Variants in OR9A4 observed in about 807,000 individuals in gnomAD.
OR9A4 encodes olfactory receptor family 9 subfamily A member 4, also known as olfactory receptor 9A4.
OR9A4 carries 16 observed loss-of-function variants against 17.1 expected under a neutral mutation model. The observed-to-expected ratio is 0.94, with a 90% CI of 0.64 to 1.43. The LOEUF is 1.43. OR9A4 is among the 40% of genes most tolerant of loss of function. The pLI, the probability that OR9A4 is intolerant of heterozygous loss-of-function variation, is 0.00. For missense variants in OR9A4, 392 were observed against 382.1 expected, an observed-to-expected ratio of 1.03 and a Z score of -0.22; for synonymous variants, 167 against 143.3, an observed-to-expected ratio of 1.17 and a Z score of -1.18.
At position 141,919,986 on chromosome 7, in the gene OR9A4, G is replaced by T; in HGVS notation, c.*166G>T. 1 of 555,938 alleles carries T rather than the reference G, an allele frequency of 1.8e-6. No homozygotes were observed. The highest frequency in any genetic ancestry group is 3.1e-6 in the Non-Finnish European group (1 of 324,086). The allele number at this position is 555,938 out of a possible 1,614,324, so 34.4% of individuals were successfully genotyped here. A position where few individuals can be genotyped will look rare whatever the true frequency, so the allele number is the denominator to read the frequency against. ...ACAGCTACGGTTTTTAGTATGCTTA[G>T]TTGTTACTTGAAACTCAGTCTATTA... On this transcript the variant is annotated 3_prime_UTR_variant, in exon 2 of 2. Coordinates refer to ENST00000641559, the MANE Select transcript of OR9A4 (RefSeq NM_001001656.3).
intron 1 of OR9A4, among the ~76,000 whole-genome samples, chr7:141,917,981 T>A (rs1802213067): frequency 6.6e-6 from 1 of 152,196 alleles, no homozygotes; most frequent in African/African-American, 2.4e-5. Context: ...GACAATGTCC[T>A]GGATAGACCT....
Position 141,919,611 on chromosome 7 carries a change from A to G in OR9A4, c.736A>G (p.Thr246Ala). ...CTTCTCCACTTGTGCCTCCCACTTC[A>G]CCTGTGTTGTGATTGGCTACGGCAG... ...KSFSTCASHF[T>A]CVVIGYGSCL... The change falls in exon 2 of 2, where the codon ACC (threonine) becomes GCC (alanine). Residue 246 changes from threonine (T) to alanine (A), a missense_variant. Physicochemically the swap from Thr to Ala is moderately conservative, Grantham distance 58 (BLOSUM62 0). Transcript: ENST00000641559. The G allele has an allele frequency of 6.2e-7, 1 of 1,613,802 alleles. No homozygotes were observed. Among genetic ancestry groups the G allele is most frequent in the Non-Finnish European group, 8.5e-7 (1 of 1,179,960 alleles).
rs782401575 is a variant in OR9A4, at chr7:141,919,141, T to C, written c.266T>C (p.Met89Thr). The stretch of plus-strand genomic sequence containing the variant: ...CTTTGGGGATTGCTGCTCCCTGGGA[T>C]GCAGACAATATATTTGTCTGCCTGT... ...VMLWGLLLPG[M>T]QTIYLSACVV... is the part of the protein sequence containing the mutation. The change falls in exon 2 of 2, where the codon ATG (methionine) becomes ACG (threonine). Residue 89 changes from methionine to threonine, a missense_variant. Physicochemically the swap from Met to Thr is moderately conservative, Grantham distance 81 (BLOSUM62 -1). Transcript: ENST00000641559. The C allele has an allele frequency of 4.3e-6, 7 of 1,614,218 alleles. No individual in the cohort carries two copies. Among genetic ancestry groups the C allele is most frequent in the Admixed American group, 1.7e-5 (1 of 60,030 alleles).
chr7:141,918,387 G>T (rs1469771623), intron 1 of OR9A4, among the ~76,000 whole-genome samples: 2 of 152,208 alleles, frequency 1.3e-5, no homozygotes, highest in African/African-American at 4.8e-5. Flanking sequence ...TTACAAGCGT[G>T]AGCCACCGCA....
At position 141,919,221 on chromosome 7, in the gene OR9A4, G is replaced by A. The variant is rs782358306; in HGVS notation, c.346G>A (p.Gly116Arg). Residue 116 changes from glycine to arginine, a missense_variant, in exon 2 of 2, where the codon GGA (glycine) becomes AGA (arginine). By Grantham distance (125) the Gly-to-Arg change is moderately radical. Coordinates refer to ENST00000641559, the MANE Select transcript of OR9A4 (RefSeq NM_001001656.3). ...GGGGACAACAGAGTTCGCATTACTT[G>A]GAGCAATGGCTGTGGACCGTTATGT... Reference protein sequence around the residue: ...AVGTTEFALLGAMAVDRYVAV... With the variant: ...AVGTTEFALLRAMAVDRYVAV... 6.2e-7 allele frequency: 1 copy of A among 1,614,064 alleles called. No individual in the cohort carries two copies. Among genetic ancestry groups the A allele is most frequent in the South Asian group, 1.1e-5 (1 of 91,072 alleles).
chr7:141,920,003 A>G lies in OR9A4; in HGVS notation c.*183A>G, dbSNP rs1802255319. ...TATGCTTAGTTGTTACTTGAAACTC[A>G]GTCTATTATTTTTAAGACATGTCTT... On this transcript the variant is annotated 3_prime_UTR_variant, in exon 2 of 2. Transcript: ENST00000641559. The G allele has an allele frequency of 3.9e-6, 2 of 518,914 alleles. No individual in the cohort carries two copies. Among genetic ancestry groups the G allele is most frequent in the South Asian group, 7.3e-5 (2 of 27,554 alleles). The allele number at this position is 518,914 out of a possible 1,614,324, so 32.1% of individuals were successfully genotyped here.
Position 141,919,048 on chromosome 7 carries a change from T to A in OR9A4, c.173T>A (p.Met58Lys), listed in dbSNP as rs1802231248. 3.1e-6 allele frequency: 5 copies of A among 1,614,076 alleles called. No individual in the cohort carries two copies. Among genetic ancestry groups the A allele is most frequent in the Non-Finnish European group, 3.4e-6 (4 of 1,180,046 alleles). The change falls in exon 2 of 2, where the codon ATG becomes AAG. Residue 58 changes from methionine (M) to lysine (K), a missense_variant. Coordinates refer to ENST00000641559, the MANE Select transcript of OR9A4 (RefSeq NM_001001656.3). The part of the protein sequence containing the change: ...VCVDKRLQSP[M>K]YFFLGHLSAL... The stretch of plus-strand genomic sequence containing the variant: ...GTGGATAAACGTCTGCAGTCCCCCA[T>A]GTATTTCTTCCTCGGCCACCTCTCT...
At position 141,919,750 on chromosome 7, in the gene OR9A4, T is replaced by G; in HGVS notation, c.875T>G (p.Leu292Arg). The G allele has an allele frequency of 1.2e-6, 2 of 1,614,124 alleles. No individual in the cohort carries two copies. Among genetic ancestry groups the G allele is most frequent in the Non-Finnish European group, 1.7e-6 (2 of 1,180,018 alleles). The change falls in exon 2 of 2, where the codon CTC (leucine) becomes CGC (arginine). Residue 292 changes from leucine to arginine, a missense_variant. Leu to Arg is a moderately radical substitution (Grantham distance 102). Transcript: ENST00000641559. Reference protein sequence around the residue: ...TPFLNPFIFTLRNDKVIEALR... With the variant: ...TPFLNPFIFTRRNDKVIEALR... ...TTCCTCAATCCTTTCATCTTCACCC[T>G]CCGGAATGATAAAGTCATAGAGGCC... is the stretch of plus-strand genomic sequence containing the variant.
rs373872637 is a variant in OR9A4 at position 141,919,568 on chromosome 7, C to G, written c.693C>G (p.Ser231=). The G allele has an allele frequency of 3.1e-6, 5 of 1,614,066 alleles. No homozygotes were observed. The African/African-American group carries it at 6.7e-5, about 22-fold the overall frequency. Residue 231 remains serine, a synonymous_variant, in exon 2 of 2, where the codon TCC becomes TCG. Coordinates refer to ENST00000641559, the MANE Select transcript of OR9A4 (RefSeq NM_001001656.3). ...IISTILKIPS[S]SGRRKSFSTC... Reference sequence around the variant, plus strand: ...CCACCATTCTCAAGATCCCGTCATCCTCTGGCCGGAGGAAATCCTTCTCCA... The same window carrying G: ...CCACCATTCTCAAGATCCCGTCATCGTCTGGCCGGAGGAAATCCTTCTCCA...
At position 141,919,248 on chromosome 7, in the gene OR9A4, G is replaced by T. The variant is rs1802237988; in HGVS notation, c.373G>T (p.Ala125Ser). 1 of 1,614,086 alleles carries T rather than the reference G, an allele frequency of 6.2e-7. No homozygotes were observed. The highest frequency in any genetic ancestry group is 1.3e-5 in the African/African-American group (1 of 75,006). Reference sequence around the variant, plus strand: ...AGCAATGGCTGTGGACCGTTATGTGGCTGTCTGTAACCCTCTGAGGTACAA... The same window carrying T: ...AGCAATGGCTGTGGACCGTTATGTGTCTGTCTGTAACCCTCTGAGGTACAA... ...LGAMAVDRYV[A>S]VCNPLRYNII... Residue 125 changes from alanine (A) to serine (S), a missense_variant, in exon 2 of 2, where the codon GCT becomes TCT. Coordinates refer to ENST00000641559, the MANE Select transcript of OR9A4 (RefSeq NM_001001656.3).
In OR9A4 at chr7:141,919,900, A is replaced by G; in HGVS notation, c.*80A>G. On this transcript the variant is annotated 3_prime_UTR_variant, in exon 2 of 2. Coordinates refer to ENST00000641559, the MANE Select transcript of OR9A4 (RefSeq NM_001001656.3). Reference sequence around the variant, plus strand: ...TCTGAAAAGAACTTGCTCATCTTTGAACTGCATCATAATTATTGCCATTAT... The same window carrying G: ...TCTGAAAAGAACTTGCTCATCTTTGGACTGCATCATAATTATTGCCATTAT... 1 of 1,081,598 alleles carries G rather than the reference A, an allele frequency of 9.2e-7. No individual in the cohort carries two copies. The highest frequency in any genetic ancestry group is 1.3e-6 in the Non-Finnish European group (1 of 748,108). The allele number at this position is 1,081,598 out of a possible 1,614,324, so 67.0% of individuals were successfully genotyped here.
Position 141,919,820 on chromosome 7 carries a change from G to A in OR9A4, c.945G>A (p.Ter315=). ...VKRCCQLFRN[*] ...GCTGCTGTCAACTATTCAGGAATTA[G>A]CCTTGCTCTGAGGACTTTTACATGG... is the stretch of plus-strand genomic sequence containing the variant. The change falls in exon 2 of 2, where the codon TAG becomes TAA. Residue 315 remains the stop codon, a stop_retained_variant. Transcript: ENST00000641559. The A allele has an allele frequency of 1.9e-6, 3 of 1,599,676 alleles. No individual in the cohort carries two copies. The highest frequency in any genetic ancestry group is 2.6e-6 in the Non-Finnish European group (3 of 1,171,220).
intron 1 of OR9A4, among the ~76,000 whole-genome samples, chr7:141,918,268 A>G (rs1802216850): frequency 6.6e-6 from 1 of 152,124 alleles, no homozygotes; most frequent in Non-Finnish European, 1.5e-5. Flanking sequence ...CAACATGCCC[A>G]GCTAATTTTT....
rs782256099 is a variant in OR9A4 at position 141,919,056 on chromosome 7, T to C, written c.181T>C (p.Phe61Leu). Residue 61 changes from phenylalanine (F) to leucine (L), a missense_variant, in exon 2 of 2, where the codon TTC (phenylalanine) becomes CTC (leucine). Physicochemically the swap from Phe to Leu is conservative, Grantham distance 22. Coordinates refer to ENST00000641559, the MANE Select transcript of OR9A4 (RefSeq NM_001001656.3). ...DKRLQSPMYF[F>L]LGHLSALEIL... Reference sequence around the variant, plus strand: ...ACGTCTGCAGTCCCCCATGTATTTCTTCCTCGGCCACCTCTCTGCCCTGGA... The same window carrying C: ...ACGTCTGCAGTCCCCCATGTATTTCCTCCTCGGCCACCTCTCTGCCCTGGA... The C allele has an allele frequency of 6.2e-7, 1 of 1,614,160 alleles. No individual in the cohort carries two copies. The highest frequency in any genetic ancestry group is 8.5e-7 in the Non-Finnish European group (1 of 1,180,024).
chr7:141,919,852 A>G lies in OR9A4; in HGVS notation c.*32A>G. On this transcript the variant is annotated 3_prime_UTR_variant, in exon 2 of 2. Transcript: ENST00000641559. ...TCTGAGGACTTTTACATGGTAAAGC[A>G]CTTAGTATGGATTCTAGAATAATCT... 6.8e-7 allele frequency: 1 copy of G among 1,471,574 alleles called. No individual in the cohort carries two copies. The highest frequency in any genetic ancestry group is 9.3e-7 in the Non-Finnish European group (1 of 1,075,516). 91.2% of individuals were successfully genotyped at this position (1,471,574 alleles called of 1,614,324 possible).
At chr7:141,918,508 G>C (rs1554438968) in intron 1 of OR9A4, among the ~76,000 whole-genome samples, 1 of 152,182 alleles carries the variant, frequency 6.6e-6, no homozygotes, top group East Asian at 1.9e-4. Context: ...TAGAGGTGCT[G>C]GTGTAAGTGA....
rs1802262169 is a variant in OR9A4 at position 141,920,403 on chromosome 7, G to T, written c.*583G>T. ...AGGGAATATCTCTTGCAGGAGTGTT[G>T]AAATTTCAAATAAGGTTTTCAGGGA... On this transcript the variant is annotated 3_prime_UTR_variant, in exon 2 of 2. Transcript: ENST00000641559. 6.6e-6 allele frequency: 1 copy of T among 152,442 alleles called. No homozygotes were observed. Among genetic ancestry groups the T allele is most frequent in the Non-Finnish European group, 1.5e-5 (1 of 68,038 alleles). The allele number at this position is 152,442 out of a possible 1,614,324, so 9.4% of individuals were successfully genotyped here.
Position 141,920,175 on chromosome 7 carries a change from C to T in OR9A4, c.*355C>T, listed in dbSNP as rs1457106336. On this transcript the variant is annotated 3_prime_UTR_variant, in exon 2 of 2. Coordinates refer to ENST00000641559, the MANE Select transcript of OR9A4 (RefSeq NM_001001656.3). Reference sequence around the variant, plus strand: ...TGCTTAGGGCTGAGGGGAATGCAGACATAGGGTAGTGATAGCTATGGGGTA... The same window carrying T: ...TGCTTAGGGCTGAGGGGAATGCAGATATAGGGTAGTGATAGCTATGGGGTA... 5.6e-6 allele frequency: 1 copy of T among 177,370 alleles called. No individual in the cohort carries two copies. The highest frequency in any genetic ancestry group is 1.2e-5 in the Non-Finnish European group (1 of 83,880). The allele number at this position is 177,370 out of a possible 1,614,324, so 11.0% of individuals were successfully genotyped here.
chr7:141,919,970 G>A lies in OR9A4; in HGVS notation c.*150G>A, dbSNP rs73523899. The A allele has an allele frequency of 4.6e-3, 2,776 of 605,492 alleles. 63 individuals are homozygous for A. The African/African-American group carries it at 0.047, about 10-fold the overall frequency. The allele number at this position is 605,492 out of a possible 1,614,324, so 37.5% of individuals were successfully genotyped here. A position where few individuals can be genotyped will look rare whatever the true frequency, so the allele number is the denominator to read the frequency against. ...AAAATACTTTTAAGTTACAGCTACGGTTTTTAGTATGCTTAGTTGTTACTT... is the reference window on the plus strand; with the variant it reads ...AAAATACTTTTAAGTTACAGCTACGATTTTTAGTATGCTTAGTTGTTACTT... On this transcript the variant is annotated 3_prime_UTR_variant, in exon 2 of 2. Transcript: ENST00000641559.
Sources: gnomAD v4.1 joint callset for allele counts (sites outside exome capture counted in the v4.1 genomes callset) on GRCh38, gnomAD v4.1.1 for gene constraint, MANE v1.5 for transcripts, NCBI Gene and HGNC (gene_info 2026-07-23, HGNC 2026-07-21) for gene names.